ERAP1: variants seen among roughly 807,000 people sequenced by gnomAD.
ERAP1 encodes endoplasmic reticulum aminopeptidase 1.
ERAP1 carries 86 observed loss-of-function variants against 103.7 expected under a neutral mutation model. That is an observed-to-expected ratio of 0.83 (90% CI 0.70 to 0.99). ERAP1 has a LOEUF of 0.99. Among genes scored for constraint, ERAP1 ranks in the 50% least tolerant of loss-of-function variants. ERAP1 has a pLI of 0.00. For synonymous variants in ERAP1, 398 were observed against 402.4 expected (o/e 0.99, Z 0.13); for missense variants, 1,009 against 1,128.4 (o/e 0.89, Z 1.52).
At chr5:96,830,318 A>G in the ERAP1 span, among the ~76,000 whole-genome samples, 4 of 152,200 alleles carry the variant, frequency 2.6e-5, no homozygotes, top group African/African-American at 9.7e-5. Context: ...GAGGAAAATA[A>G]TACCTTAGGC....
chr5:96,933,883 T>C, the ERAP1 span, among the ~76,000 whole-genome samples: 4 of 152,366 alleles, frequency 2.6e-5, no homozygotes, highest in East Asian at 1.9e-4. Context: ...TGTGGTTCAC[T>C]ATTTTTGGTT....
chr5:96,765,392 CTG>C (rs2150722507), intron 19 of ERAP1: 1 of 754,126 alleles, frequency 1.3e-6, no homozygotes, highest in South Asian at 1.6e-5. Flanking sequence ...GGTCTTGACT[CTG>C]TCATTGTCAT....
the ERAP1 span, among the ~76,000 whole-genome samples, chr5:96,925,170 G>T: frequency 1.3e-5 from 2 of 152,182 alleles, no homozygotes; most frequent in South Asian, 4.1e-4. Flanking sequence ...GATCTACATG[G>T]TATTTAAATT....
chr5:96,935,013 G>C, the ERAP1 span: 1 of 152,420 alleles, frequency 6.6e-6, no homozygotes, highest in Non-Finnish European at 1.5e-5. Flanking sequence ...TCGGAGGCTA[G>C]CGGGGCTGCC....
chr5:96,856,933 T>A, the ERAP1 span, among the ~76,000 whole-genome samples: 2 of 152,330 alleles, frequency 1.3e-5, no homozygotes, highest in South Asian at 2.1e-4. Context: ...CTTCTCCAGA[T>A]CCCTGGTGCC....
Position 96,800,996 on chromosome 5 carries a change from G to A in ERAP1, c.529C>T (p.Leu177=). ...YRTKEGELRI[L]ASTQFEPTAA... ...GTGGGTTCAAATTGTGTTGATGCTA[G>A]TATCCTAAAATTAAGGCAAGTGAAA... is the stretch of plus-strand genomic sequence containing the variant. The change falls in exon 3 of 19, where the codon CTA becomes TTA. Residue 177 remains leucine (L), a synonymous_variant. Coordinates refer to ENST00000443439, the MANE Select transcript of ERAP1 (RefSeq NM_001040458.3). The A allele has an allele frequency of 6.2e-7, 1 of 1,613,986 alleles. No individual in the cohort carries two copies.
At chr5:96,780,137 T>C (rs927413699) in intron 18 of ERAP1, among the ~76,000 whole-genome samples, 8 of 152,230 alleles carry the variant, frequency 5.3e-5, no homozygotes, top group Non-Finnish European at 1.2e-4. Flanking sequence ...TGCCCACTTT[T>C]AACATCCTTA....
chr5:96,794,692 C>G (rs1035360499), intron 5 of ERAP1, among the ~76,000 whole-genome samples: 4 of 152,160 alleles, frequency 2.6e-5, no homozygotes, highest in Admixed American at 2.6e-4. Context: ...TCATTCAAAA[C>G]AGTTTGTTGA....
At chr5:96,770,729 C>G (rs1771993998), downstream of ERAP1, 5 of 620,800 alleles carry the variant, frequency 8.1e-6, no homozygotes, top group East Asian at 1.4e-4. Flanking sequence ...ACTATCTATC[C>G]CATAGCATCG....
upstream of ERAP1, among the ~76,000 whole-genome samples, chr5:96,811,024 G>A (rs553140181): frequency 3.9e-5 from 6 of 152,054 alleles, no homozygotes; most frequent in South Asian, 2.1e-4. Flanking sequence ...ACTGCTATCC[G>A]GCCCTTCCAC....
intron 19 of ERAP1, chr5:96,766,035 TG>T: frequency 7.5e-7 from 1 of 1,334,870 alleles, no homozygotes; most frequent in Non-Finnish European, 1.1e-6. Context: ...TAATTCTATC[TG>T]CTCACTGTTG....
Position 96,776,542 on chromosome 5 carries a change from A to T in ERAP1, c.2680T>A (p.Phe894Ile). The change falls in exon 19 of 19, where the codon TTC becomes ATC. Residue 894 changes from phenylalanine (F) to isoleucine (I), a missense_variant. Physicochemically the swap from Phe to Ile is conservative, Grantham distance 21. This residue lies in a region of ERAP1 where 611 missense variants were observed against 651.7 expected (regional missense o/e 0.94). Coordinates refer to ENST00000443439, the MANE Select transcript of ERAP1 (RefSeq NM_001040458.3). ...CCATTTTCTTTCAAAGAGCTGAAGA[A>T]TCCTTTTACCTTGTGAGGAAAAAGT... The part of the protein sequence containing the change: ...TRTRLEEVKG[F>I]FSSLKENGSQ... 1 of 1,613,962 alleles carries T rather than the reference A, an allele frequency of 6.2e-7. No individual in the cohort carries two copies. Among genetic ancestry groups the T allele is most frequent in the Non-Finnish European group, 8.5e-7 (1 of 1,179,936 alleles).
chr5:96,786,048 A>G, intron 12 of ERAP1, 77 bp from the exon 13 acceptor site: 3 of 1,381,976 alleles, frequency 2.2e-6, no homozygotes, highest in Non-Finnish European at 3.1e-6. Context: ...AGATTGGGCA[A>G]GGAAATTAGA....
the ERAP1 span, among the ~76,000 whole-genome samples, chr5:96,889,831 TACACACACACACAC>T: frequency 6.7e-6 from 1 of 148,644 alleles, no homozygotes; most frequent in South Asian, 2.1e-4. Flanking sequence ...AAAAAATACA[TACACACACACACAC>T]ACACACACAC....
At chr5:96,933,060 TATC>T in the ERAP1 span, among the ~76,000 whole-genome samples, 1 of 152,188 alleles carries the variant, frequency 6.6e-6, no homozygotes, top group Non-Finnish European at 1.5e-5. Context: ...GAAATTGTGA[TATC>T]ATATTCCCTC....
the ERAP1 span, among the ~76,000 whole-genome samples, chr5:96,821,181 C>T: frequency 1.2e-4 from 18 of 152,194 alleles, no homozygotes; most frequent in Non-Finnish European, 2.1e-4. Context: ...AGACCTTCAG[C>T]GGATTGGATG....
chr5:96,803,004 C>G (rs767805916), intron 2 of ERAP1, among the ~76,000 whole-genome samples: 2 of 151,948 alleles, frequency 1.3e-5, no homozygotes, highest in Non-Finnish European at 2.9e-5. Context: ...CCTGCTGACA[C>G]CTTGATTTCA....
chr5:96,931,816 C>T, the ERAP1 span, among the ~76,000 whole-genome samples: 1 of 152,278 alleles, frequency 6.6e-6, no homozygotes, highest in Non-Finnish European at 1.5e-5. Flanking sequence ...TGGGGAATTG[C>T]TCATATAGAG....
chr5:96,771,584 C>G, downstream of ERAP1: 4 of 1,255,230 alleles, frequency 3.2e-6, no homozygotes, highest in South Asian at 5.3e-5. Context: ...CTGAGAAGGC[C>G]ATCTCCTCAT....
Sources: allele counts gnomAD v4.1 joint callset (sites outside exome capture counted in the v4.1 genomes callset), GRCh38; gene constraint gnomAD v4.1.1; regional missense constraint gnomAD v4.1.1; transcripts MANE v1.5; gene names NCBI Gene and HGNC (gene_info 2026-07-23, HGNC 2026-07-21).